The following EPB41L4A variants were observed in gnomAD, a reference collection of about 807,000 sequenced individuals.
EPB41L4A encodes band 4.1-like protein 4A.
EPB41L4A carries 100 observed loss-of-function variants against 108.6 expected under a neutral mutation model. That is an observed-to-expected ratio of 0.92 (90% CI 0.78 to 1.09). The LOEUF (loss-of-function observed/expected upper bound fraction) is 1.09. EPB41L4A is among the 50% of genes least tolerant of loss of function. EPB41L4A has a pLI of 0.00. For missense variants in EPB41L4A, 1,030 were observed against 842.7 expected, an observed-to-expected ratio of 1.22 and a Z score of -2.75; for synonymous variants, 319 against 289.0, an observed-to-expected ratio of 1.10 and a Z score of -1.05.
chr5:112,367,511 T>C (rs1313748226), intron 1 of EPB41L4A, among the ~76,000 whole-genome samples: 1 of 152,166 alleles, frequency 6.6e-6, no homozygotes, highest in African/African-American at 2.4e-5. Flanking sequence ...TTCCAGGTCT[T>C]GATGCTCTTG....
chr5:112,369,773 G>C (rs1759367552), intron 1 of EPB41L4A, among the ~76,000 whole-genome samples: 2 of 152,254 alleles, frequency 1.3e-5, no homozygotes, highest in East Asian at 3.9e-4. Flanking sequence ...CAAGATGACA[G>C]CTGAACACAG....
intron 12 of EPB41L4A, among the ~76,000 whole-genome samples, chr5:112,215,662 G>C (rs1966565): frequency 0.78 from 117,363 of 151,294 alleles, 46,226 homozygotes; most frequent in East Asian, 1. Context: ...ACTCGGGAGG[G>C]TGAGGCAGGA....
chr5:112,333,759 C>T (rs1232780295), intron 1 of EPB41L4A, among the ~76,000 whole-genome samples: 6 of 152,164 alleles, frequency 3.9e-5, no homozygotes, highest in Non-Finnish European at 8.8e-5. Flanking sequence ...TCTGGCAACC[C>T]GGCTGTCTGC....
In EPB41L4A at chr5:112,268,626, G is replaced by A. The variant is rs1561526941; in HGVS notation, c.336-2296C>T. On this transcript the variant is annotated intron_variant, in intron 4 of 22. Coordinates refer to ENST00000261486, the MANE Select transcript of EPB41L4A (RefSeq NM_022140.5). ...GTATTTTGGGAGGCTGTGGAAAGAG[G>A]ATTGCTTGAGGCCAAGAGTTTGAGA... Among the ~76,000 whole-genome samples, 4 of 152,046 alleles carry A rather than the reference G, an allele frequency of 2.6e-5. No homozygotes were observed. The South Asian group carries it at 6.3e-4, about 24-fold the overall frequency.
intron 13 of EPB41L4A, among the ~76,000 whole-genome samples, chr5:112,144,488 G>C (rs1759177139): frequency 6.6e-6 from 1 of 152,080 alleles, no homozygotes; most frequent in African/African-American, 2.4e-5. Context: ...AGTTGCCCAG[G>C]CTGGTCTTGA....
intron 1 of EPB41L4A, among the ~76,000 whole-genome samples, chr5:112,372,968 C>G (rs17134418): frequency 3.3e-5 from 5 of 152,190 alleles, no homozygotes; most frequent in African/African-American, 1.2e-4. Context: ...CCTTAAAATA[C>G]GTGACATATG....
At chr5:112,394,249 G>A (rs899862299) in intron 1 of EPB41L4A, among the ~76,000 whole-genome samples, 2 of 152,158 alleles carry the variant, frequency 1.3e-5, no homozygotes, top group Non-Finnish European at 2.9e-5. Context: ...GTGCAATCAG[G>A]CAGGAGAGAG....
In EPB41L4A at chr5:112,170,307, T is replaced by C; in HGVS notation, c.1733A>G (p.Lys578Arg). 1 of 1,613,390 alleles carries C rather than the reference T, an allele frequency of 6.2e-7. No individual in the cohort carries two copies. Among genetic ancestry groups the C allele is most frequent in the Non-Finnish European group, 8.5e-7 (1 of 1,179,714 alleles). ...EEQLKEIPYT[K>R]IETQGDPIRI... ...GATTCTGAAAGGCACTCACTCTATT[T>C]TAGTGTATGGAATCTCTTTTAATTG... Residue 578 changes from lysine (K) to arginine (R), a missense_variant, in exon 20 of 23, where the codon AAA becomes AGA. By Grantham distance (26) the Lys-to-Arg change is conservative. Coordinates refer to ENST00000261486, the MANE Select transcript of EPB41L4A (RefSeq NM_022140.5).
intron 1 of EPB41L4A, among the ~76,000 whole-genome samples, chr5:112,393,116 T>C (rs1255801544): frequency 6.6e-6 from 1 of 152,262 alleles, no homozygotes; most frequent in East Asian, 1.9e-4. Flanking sequence ...GTTATAGCAC[T>C]AAATGCCCAC....
At chr5:112,347,418 C>T (rs1225013892) in intron 1 of EPB41L4A, among the ~76,000 whole-genome samples, 2 of 152,198 alleles carry the variant, frequency 1.3e-5, no homozygotes, top group African/African-American at 2.4e-5. Flanking sequence ...TCATTCATAT[C>T]TGCTCACTAA....
At chr5:112,298,993 T>G (rs982722446) in intron 2 of EPB41L4A, among the ~76,000 whole-genome samples, 2 of 152,226 alleles carry the variant, frequency 1.3e-5, no homozygotes, top group African/African-American at 4.8e-5. Flanking sequence ...AGTTGTAATA[T>G]CCCCCATTTC....
At chr5:112,342,963 G>C (rs565279029) in intron 1 of EPB41L4A, among the ~76,000 whole-genome samples, 1 of 152,156 alleles carries the variant, frequency 6.6e-6, no homozygotes, top group African/African-American at 2.4e-5. Context: ...GTTTCTTAGA[G>C]GATTTCTATA....
chr5:112,373,111 G>C (rs1759596765), intron 1 of EPB41L4A, among the ~76,000 whole-genome samples: 1 of 152,176 alleles, frequency 6.6e-6, no homozygotes, highest in Non-Finnish European at 1.5e-5. Flanking sequence ...ACTGCAGACT[G>C]AGCAGGAACT....
intron 1 of EPB41L4A, among the ~76,000 whole-genome samples, chr5:112,310,714 T>C (rs1754993726): frequency 6.6e-6 from 1 of 152,174 alleles, no homozygotes; most frequent in Admixed American, 6.5e-5. Context: ...CTTAGAGAAA[T>C]TCCCGCTTTA....
intron 1 of EPB41L4A, among the ~76,000 whole-genome samples, chr5:112,412,909 T>C (rs1311297052): frequency 1.3e-5 from 2 of 152,248 alleles, no homozygotes; most frequent in Admixed American, 6.5e-5. Flanking sequence ...CAATATTTAA[T>C]GTATTTACAC....
At chr5:112,416,216 AT>A (rs1343161372) in intron 1 of EPB41L4A, among the ~76,000 whole-genome samples, 3 of 152,008 alleles carry the variant, frequency 2.0e-5, no homozygotes, top group Non-Finnish European at 4.4e-5. Flanking sequence ...GCTTAAATAA[AT>A]CCAAAGAATG....
At chr5:112,280,922 C>T (rs1260305980) in intron 2 of EPB41L4A, among the ~76,000 whole-genome samples, 6 of 152,170 alleles carry the variant, frequency 3.9e-5, no homozygotes, top group Non-Finnish European at 8.8e-5. Context: ...CTCATCCCTA[C>T]AGGTATTGCT....
At chr5:112,226,516 A>C (rs533165930) in intron 12 of EPB41L4A, among the ~76,000 whole-genome samples, 4 of 152,222 alleles carry the variant, frequency 2.6e-5, no homozygotes, top group South Asian at 2.1e-4. Flanking sequence ...ACCACCTTAC[A>C]TAGAAGATGG....
At chr5:112,371,142 T>C (rs1759467802) in intron 1 of EPB41L4A, among the ~76,000 whole-genome samples, 1 of 152,202 alleles carries the variant, frequency 6.6e-6, no homozygotes, top group South Asian at 2.1e-4. Context: ...CAATACATAT[T>C]ATGTGTGTAT....
Sources: gnomAD v4.1 joint callset for allele counts (sites outside exome capture counted in the v4.1 genomes callset) on GRCh38, gnomAD v4.1.1 for gene constraint, MANE v1.5 for transcripts, NCBI Gene and HGNC (gene_info 2026-07-23, HGNC 2026-07-21) for gene names.